The following EMSY variants were observed in gnomAD, a reference collection of about 807,000 sequenced individuals.
EMSY encodes BRCA2-interacting transcriptional repressor EMSY.
Under a neutral mutation model 134.6 loss-of-function variants are expected in EMSY, and 26 were observed. That is an observed-to-expected ratio of 0.19 (90% CI 0.14 to 0.27). The LOEUF is 0.27. Among genes scored for constraint, EMSY ranks in the 10% least tolerant of loss-of-function variants. The pLI is 1.00. For synonymous variants in EMSY, 579 were observed against 577.8 expected (o/e 1.00, Z -0.03); for missense variants, 1,305 against 1,611.4 (o/e 0.81, Z 3.26).
At chr11:76,452,514 T>C (rs1947710940) in intron 3 of EMSY, among the ~76,000 whole-genome samples, 1 of 152,356 alleles carries the variant, frequency 6.6e-6, no homozygotes, top group Admixed American at 6.5e-5. Context: ...TATTTGTTTG[T>C]TGTTTATATT....
At chr11:76,473,666 G>C (rs1365411559) in intron 8 of EMSY, among the ~76,000 whole-genome samples, 4 of 152,114 alleles carry the variant, frequency 2.6e-5, no homozygotes, top group African/African-American at 9.7e-5. Flanking sequence ...AAGAGCAACT[G>C]AGACCTGAAC....
intron 10 of EMSY, among the ~76,000 whole-genome samples, chr11:76,514,257 C>T (rs572326258): frequency 6.6e-5 from 10 of 152,152 alleles, no homozygotes; most frequent in East Asian, 5.8e-4. Context: ...AGAAAGTCCC[C>T]GGCATAGTGC....
intron 4 of EMSY, chr11:76,453,994 A>C (rs1947773823): frequency 6.6e-6 from 1 of 152,196 alleles, no homozygotes. Flanking sequence ...GATTGAGGGC[A>C]GGGATTAAGC....
chr11:76,480,618 T>G (rs1168038195), intron 8 of EMSY, among the ~76,000 whole-genome samples: 2 of 151,706 alleles, frequency 1.3e-5, no homozygotes, highest in African/African-American at 4.8e-5. Flanking sequence ...CTTGGGGGAG[T>G]TGCTGGCAAG....
At chr11:76,541,347 C>T (rs768527876) in intron 17 of EMSY, among the ~76,000 whole-genome samples, 2 of 152,166 alleles carry the variant, frequency 1.3e-5, no homozygotes, top group Non-Finnish European at 2.9e-5. Context: ...TGCAATCTTA[C>T]CCATTTGTGC....
At chr11:76,548,166 T>C (rs964276016) in intron 20 of EMSY, among the ~76,000 whole-genome samples, 2 of 152,210 alleles carry the variant, frequency 1.3e-5, no homozygotes, top group African/African-American at 2.4e-5. Context: ...TAAAGATAGC[T>C]CCTATTATTA....
At chr11:76,446,418 TTTA>T in intron 1 of EMSY, among the ~76,000 whole-genome samples, 1 of 151,198 alleles carries the variant, frequency 6.6e-6, no homozygotes, top group South Asian at 2.1e-4. Context: ...CGAGGAGTTA[TTTA>T]TTAAGTTTCT....
chr11:76,496,230 C>T (rs548633654), exon 9 of EMSY: 7 of 1,613,840 alleles, frequency 4.3e-6, no homozygotes, highest in African/African-American at 4.0e-5. Context: ...TCTACATCAG[C>T]AATCAAAATG....
intron 11 of EMSY, among the ~76,000 whole-genome samples, chr11:76,521,598 AC>A: frequency 6.6e-6 from 1 of 152,022 alleles, no homozygotes; most frequent in East Asian, 1.9e-4. Context: ...CCCCATCTCT[AC>A]CAAAAAATAC....
chr11:76,487,637 T>C (rs1399148361), intron 8 of EMSY, among the ~76,000 whole-genome samples: 1 of 152,268 alleles, frequency 6.6e-6, no homozygotes, highest in African/African-American at 2.4e-5. Context: ...CCCAAGATAG[T>C]GACACCTTTG....
chr11:76,490,684 A>G (rs1240716217), intron 8 of EMSY, among the ~76,000 whole-genome samples: 1 of 152,216 alleles, frequency 6.6e-6, no homozygotes, highest in Admixed American at 6.5e-5. Context: ...TTTCTTTTAA[A>G]GAAATTACAA....
intron 4 of EMSY, 61 bp downstream of exon 4, chr11:76,453,449 C>T: frequency 3.4e-6 from 5 of 1,461,294 alleles, no homozygotes; most frequent in Non-Finnish European, 4.7e-6. Flanking sequence ...AGTTTTGAAA[C>T]AGTCTTCCTA....
chr11:76,491,177 C>CTTT (rs61688457), intron 8 of EMSY, among the ~76,000 whole-genome samples: 4 of 129,908 alleles, frequency 3.1e-5, no homozygotes, highest in African/African-American at 8.6e-5. Context: ...CTTCTTTTTT[C>CTTT]TTTTTTTTTT....
chr11:76,523,399 T>TA, intron 12 of EMSY, 108 bp downstream of exon 13: 1 of 1,290,988 alleles, frequency 7.7e-7, no homozygotes, highest in Non-Finnish European at 1.0e-6. Flanking sequence ...CCAGAATGGC[T>TA]TGGTTTACCA....
intron 8 of EMSY, among the ~76,000 whole-genome samples, chr11:76,492,291 T>C (rs1246814671): frequency 6.6e-6 from 1 of 152,090 alleles, no homozygotes; most frequent in African/African-American, 2.4e-5. Flanking sequence ...CTGGCCAACA[T>C]GGTGAAACCT....
chr11:76,480,757 C>A (rs1033385083), intron 8 of EMSY, among the ~76,000 whole-genome samples: 1 of 152,102 alleles, frequency 6.6e-6, no homozygotes, highest in Non-Finnish European at 1.5e-5. Flanking sequence ...TGGGTGTAGC[C>A]CATGGAGGGT....
intron 8 of EMSY, among the ~76,000 whole-genome samples, chr11:76,480,560 C>T (rs988285972): frequency 1.3e-5 from 2 of 152,132 alleles, no homozygotes. Flanking sequence ...TTCAGCCATG[C>T]GGCCAAGGTA....
intron 8 of EMSY, among the ~76,000 whole-genome samples, chr11:76,476,015 G>T (rs1948757721): frequency 6.6e-6 from 1 of 152,164 alleles, no homozygotes; most frequent in South Asian, 2.1e-4. Context: ...TTTTGTCCTT[G>T]CAACTTACTT....
At chr11:76,467,626 A>T (rs1267105039) in intron 7 of EMSY, among the ~76,000 whole-genome samples, 1 of 152,248 alleles carries the variant, frequency 6.6e-6, no homozygotes, top group Non-Finnish European at 1.5e-5. Flanking sequence ...AAATTAATTA[A>T]TGAATGAATA....
Sources: allele counts gnomAD v4.1 joint callset (sites outside exome capture counted in the v4.1 genomes callset), GRCh38; gene constraint gnomAD v4.1.1; transcripts MANE v1.5; gene names NCBI Gene and HGNC (gene_info 2026-07-23, HGNC 2026-07-21).